Variants in RUFY3 observed in about 807,000 individuals in gnomAD.
RUFY3 encodes RUN and FYVE domain containing 3, also known as protein RUFY3.
In RUFY3, 34 loss-of-function variants were observed where a neutral mutation model predicts 84.0. The ratio of observed to expected loss-of-function variants is 0.40; its 90% CI spans 0.31 to 0.54. RUFY3 has a LOEUF of 0.54. Among genes scored for constraint, RUFY3 ranks in the 20% least tolerant of loss-of-function variants. The pLI, the probability that RUFY3 is intolerant of heterozygous loss-of-function variation, is 0.39. For missense variants in RUFY3, 507 were observed against 736.8 expected, an observed-to-expected ratio of 0.69 and a Z score of 3.61; for synonymous variants, 242 against 252.9, an observed-to-expected ratio of 0.96 and a Z score of 0.41.
At chr4:70,802,929 T>C (rs1406392457) in intron 15 of RUFY3, 27 bp from the exon 16 acceptor site, 1 of 1,561,648 alleles carries the variant, frequency 6.4e-7, no homozygotes, top group Admixed American at 1.9e-5. Flanking sequence ...TTCCTATTTG[T>C]CACAATTTTT....
intron 1 of RUFY3, among the ~76,000 whole-genome samples, chr4:70,755,725 G>A (rs1405807807): frequency 6.6e-6 from 1 of 152,172 alleles, no homozygotes; most frequent in African/African-American, 2.4e-5. Flanking sequence ...ACTGAGGCGG[G>A]CGGATCACGA....
intron 1 of RUFY3, among the ~76,000 whole-genome samples, chr4:70,757,168 T>C (rs979076327): frequency 4.6e-5 from 7 of 151,962 alleles, no homozygotes; most frequent in African/African-American, 1.7e-4. Flanking sequence ...TCCCAGGTAC[T>C]CAGGAGGCTG....
intron 12 of RUFY3, chr4:70,791,507 A>T (rs1730815876): frequency 7.3e-7 from 1 of 1,374,304 alleles, no homozygotes; most frequent in Non-Finnish European, 9.4e-7. Context: ...AAAAATTGGT[A>T]TAAGTTCCTA....
At chr4:70,788,057 C>T (rs977832547) in intron 10 of RUFY3, among the ~76,000 whole-genome samples, 8 of 126,620 alleles carry the variant, frequency 6.3e-5, no homozygotes, top group East Asian at 2.3e-4. Flanking sequence ...GAGGCTGAGG[C>T]GGGCAGATCA....
chr4:70,768,041 C>T (rs1726282314), intron 4 of RUFY3, among the ~76,000 whole-genome samples: 1 of 152,036 alleles, frequency 6.6e-6, no homozygotes, highest in African/African-American at 2.4e-5. Flanking sequence ...TACTATGTTG[C>T]TCACTCTGGT....
At chr4:70,784,969 A>G in intron 10 of RUFY3, 90 bp downstream of exon 10, 2 of 807,984 alleles carry the variant, frequency 2.5e-6, no homozygotes, top group South Asian at 5.2e-5. Context: ...AAGATTAGGA[A>G]TATCAGTAGT....
chr4:70,710,671 A>T (rs1306641071), intron 1 of RUFY3, among the ~76,000 whole-genome samples: 3 of 152,104 alleles, frequency 2.0e-5, no homozygotes, highest in Non-Finnish European at 2.9e-5. Context: ...ACTCCATCTC[A>T]AAAAACAAAA....
Position 70,722,464 on chromosome 4 carries a change from C to T in RUFY3, c.-110C>T. The stretch of plus-strand genomic sequence containing the variant: ...CACCCTTTTCCTGAAAGCTTTGTTT[C>T]AGAGCTTTGTATTGGGTTTTTTTGG... On this transcript the variant is annotated 5_prime_UTR_variant, in exon 1 of 18. Coordinates refer to ENST00000381006, the MANE Select transcript of RUFY3 (RefSeq NM_001037442.4). 9 of 1,358,568 alleles carry T rather than the reference C, an allele frequency of 6.6e-6. No individual in the cohort carries two copies. The highest frequency in any genetic ancestry group is 4.3e-5 in the South Asian group (2 of 46,550). The allele number at this position is 1,358,568 out of a possible 1,614,324, so 84.2% of individuals were successfully genotyped here.
At chr4:70,746,155 G>A (rs559343924) in intron 1 of RUFY3, among the ~76,000 whole-genome samples, 247 of 152,190 alleles carry the variant, frequency 1.6e-3, no homozygotes, top group African/African-American at 5.8e-3. Context: ...GCCAGCCTGG[G>A]CAACATGGTG....
At chr4:70,779,936 A>G (rs571672095) in intron 8 of RUFY3, among the ~76,000 whole-genome samples, 2 of 152,352 alleles carry the variant, frequency 1.3e-5, no homozygotes, top group African/African-American at 4.8e-5. Flanking sequence ...TAGTTTAAAT[A>G]AAATCAAATT....
chr4:70,725,190 C>T (rs1043629344), intron 1 of RUFY3, among the ~76,000 whole-genome samples: 37 of 152,322 alleles, frequency 2.4e-4, no homozygotes, highest in African/African-American at 7.7e-4. Context: ...TGGCCCTTCA[C>T]TGAGCAGTCC....
At chr4:70,733,419 G>A (rs13434693) in intron 1 of RUFY3, among the ~76,000 whole-genome samples, 14,005 of 152,118 alleles carry the variant, frequency 0.092, 1,382 homozygotes, top group African/African-American at 0.24. Flanking sequence ...ATCCTTTATA[G>A]AAATCATTTT....
intron 1 of RUFY3, among the ~76,000 whole-genome samples, chr4:70,735,951 G>A (rs528659475): frequency 1.3e-4 from 19 of 151,848 alleles, no homozygotes; most frequent in Non-Finnish European, 2.8e-4. Context: ...TCACATCACT[G>A]CACTCCAGCC....
At chr4:70,793,259 G>T in intron 12 of RUFY3, 1 of 988,974 alleles carries the variant, frequency 1.0e-6, no homozygotes, top group Non-Finnish European at 1.2e-6. Flanking sequence ...AAGCCTAGGT[G>T]AGGGTTGATA....
intron 1 of RUFY3, among the ~76,000 whole-genome samples, chr4:70,747,901 A>C (rs559518071): frequency 6.6e-5 from 10 of 152,284 alleles, no homozygotes; most frequent in African/African-American, 2.4e-4. Context: ...ATGATATCCA[A>C]AACCAAGTTT....
At chr4:70,780,532 A>G (rs1478133522) in intron 8 of RUFY3, among the ~76,000 whole-genome samples, 1 of 152,084 alleles carries the variant, frequency 6.6e-6, no homozygotes, top group Non-Finnish European at 1.5e-5. Context: ...GCCTCAGGTG[A>G]TCCACCCGCC....
intron 14 of RUFY3, 52 bp downstream of exon 14, chr4:70,794,946 G>A: frequency 8.2e-7 from 1 of 1,226,372 alleles, no homozygotes; most frequent in East Asian, 2.3e-5. Flanking sequence ...TTAAATTTTA[G>A]AGGCTACCTT....
chr4:70,793,326 T>C (rs1731097642), intron 12 of RUFY3: 1 of 1,005,312 alleles, frequency 9.9e-7, no homozygotes, highest in Non-Finnish European at 1.2e-6. Context: ...GAAAAAACTA[T>C]AATTCCACAT....
upstream of RUFY3, among the ~76,000 whole-genome samples, chr4:70,719,774 GA>G (rs749995370): frequency 3.7e-4 from 57 of 152,302 alleles, no homozygotes; most frequent in Non-Finnish European, 6.8e-4. Flanking sequence ...TGTGTTAAAT[GA>G]AGGCTTGTGT....
Sources: allele counts gnomAD v4.1 joint callset (sites outside exome capture counted in the v4.1 genomes callset), GRCh38; gene constraint gnomAD v4.1.1; transcripts MANE v1.5; gene names NCBI Gene and HGNC (gene_info 2026-07-23, HGNC 2026-07-21).